The following C16orf74 variants were observed in gnomAD, a reference collection of about 807,000 sequenced individuals.
C16orf74 encodes the protein calcimembrin.
C16orf74 carries 10 observed loss-of-function variants against 6.5 expected under a neutral mutation model. The observed-to-expected ratio is 1.54, with a 90% CI of 0.95 to 2.61. C16orf74 has a LOEUF of 2.61. Ranked by LOEUF, C16orf74 falls within the 30% of genes most tolerant of loss-of-function variation. The probability of loss-of-function intolerance (pLI) is 0.00; values close to 1 mark genes in which losing one functional copy is unlikely to be tolerated. For synonymous variants in C16orf74, 60 were observed against 42.5 expected (o/e 1.41, Z -1.60); for missense variants, 141 against 105.9 (o/e 1.33, Z -1.45).
At chr16:85,739,379 C>G (rs954988056) in intron 1 of C16orf74, among the ~76,000 whole-genome samples, 5 of 152,186 alleles carry the variant, frequency 3.3e-5, no homozygotes, top group Non-Finnish European at 1.5e-5. Context: ...TGGATTTTGA[C>G]ATGTCTCAAC....
chr16:85,717,461 TCA>T (rs1447922740), intron 2 of C16orf74, among the ~76,000 whole-genome samples: 1 of 152,194 alleles, frequency 6.6e-6, no homozygotes, highest in Non-Finnish European at 1.5e-5. Context: ...TCTTGCAGCC[TCA>T]GTTTCCCTGG....
At chr16:85,722,271 T>C (rs973957470) in intron 2 of C16orf74, among the ~76,000 whole-genome samples, 1 of 152,172 alleles carries the variant, frequency 6.6e-6, no homozygotes. Context: ...AGTCAGGCCA[T>C]ATAATTAGCA....
chr16:85,740,436 C>T (rs1450436736), intron 1 of C16orf74, among the ~76,000 whole-genome samples: 1 of 151,502 alleles, frequency 6.6e-6, no homozygotes, highest in Non-Finnish European at 1.5e-5. Flanking sequence ...GGCGCGGTGG[C>T]TCACGCCTGT....
chr16:85,714,502 C>G (rs2054002129), intron 2 of C16orf74, among the ~76,000 whole-genome samples: 1 of 152,002 alleles, frequency 6.6e-6, no homozygotes, highest in Admixed American at 6.6e-5. Flanking sequence ...TCACTGCAAC[C>G]TCTGCCTCCT....
At chr16:85,725,806 G>A (rs1026870949) in intron 2 of C16orf74, among the ~76,000 whole-genome samples, 4 of 152,046 alleles carry the variant, frequency 2.6e-5, no homozygotes, top group South Asian at 2.1e-4. Context: ...GTTTCACCAC[G>A]TTGCCCAGAC....
At chr16:85,708,320 G>A (rs11860689) in intron 3 of C16orf74, among the ~76,000 whole-genome samples, 1 of 152,132 alleles carries the variant, frequency 6.6e-6, no homozygotes, top group African/African-American at 2.4e-5. Flanking sequence ...GAGTAACCCT[G>A]TGTCTCCCCT....
At chr16:85,718,158 T>C (rs2054043972) in intron 2 of C16orf74, among the ~76,000 whole-genome samples, 1 of 152,222 alleles carries the variant, frequency 6.6e-6, no homozygotes, top group Admixed American at 6.5e-5. Context: ...CAGCCTGGAC[T>C]TCCCTGGCTC....
chr16:85,708,361 G>C (rs978878315), intron 3 of C16orf74, among the ~76,000 whole-genome samples: 5 of 152,186 alleles, frequency 3.3e-5, no homozygotes, highest in African/African-American at 1.2e-4. Flanking sequence ...AGCAGGGAAG[G>C]TGGTATGATC....
At position 85,740,968 on chromosome 16, in the gene C16orf74, C is replaced by T. The variant is rs543340484; in HGVS notation, c.-18-5733G>A. 3.3e-5 allele frequency among the ~76,000 whole-genome samples: 5 copies of T among 152,122 alleles called. No homozygotes were observed. The South Asian group carries it at 1.0e-3, about 32-fold the overall frequency. On this transcript the variant is annotated intron_variant, in intron 1 of 3. Coordinates refer to ENST00000284245, the MANE Select transcript of C16orf74 (RefSeq NM_206967.3). Reference sequence around the variant, plus strand: ...ATACGTGCAGGGAGAGATGAGGACACGCGTGTAGGTAAATGTTCATTTCTG... The same window carrying T: ...ATACGTGCAGGGAGAGATGAGGACATGCGTGTAGGTAAATGTTCATTTCTG...
At chr16:85,733,757 G>C (rs1218899230) in intron 2 of C16orf74, among the ~76,000 whole-genome samples, 3 of 152,134 alleles carry the variant, frequency 2.0e-5, no homozygotes, top group African/African-American at 7.2e-5. Flanking sequence ...TGTGGGGTCA[G>C]CCTGGAGTCT....
At chr16:85,718,674 G>A (rs989440216) in intron 2 of C16orf74, among the ~76,000 whole-genome samples, 11 of 152,220 alleles carry the variant, frequency 7.2e-5, no homozygotes, top group Admixed American at 6.5e-4. Context: ...AATGCGGTGC[G>A]ATGATTCTAT....
Position 85,728,135 on chromosome 16 carries a change from T to C in C16orf74, c.28+7055A>G, listed in dbSNP as rs148801564. On this transcript the variant is annotated intron_variant, in intron 2 of 3. Transcript: ENST00000284245. ...CCTGAGCAACAGAGGGAGAGTGAGA[T>C]CCTGTCTCAAAAATATAAATAAATA... is the stretch of plus-strand genomic sequence containing the variant. Among the ~76,000 whole-genome samples, 1,332 of 151,920 alleles carry C rather than the reference T, an allele frequency of 8.8e-3. 19 individuals are homozygous for C. The highest frequency in any genetic ancestry group is 0.03 in the African/African-American group (1,259 of 41,388).
At chr16:85,710,022 G>A in intron 3 of C16orf74, 142 bp downstream of exon 3, 1 of 660,546 alleles carries the variant, frequency 1.5e-6, no homozygotes, top group Non-Finnish European at 2.3e-6. Flanking sequence ...AGTGTACACA[G>A]GTCTGACCAT....
chr16:85,714,737 C>T (rs1287724097), intron 2 of C16orf74, among the ~76,000 whole-genome samples: 1 of 151,800 alleles, frequency 6.6e-6, no homozygotes, highest in Non-Finnish European at 1.5e-5. Context: ...TCTTGGCCCC[C>T]GACTGCTGGG....
At chr16:85,745,359 C>A (rs1457754922) in intron 1 of C16orf74, among the ~76,000 whole-genome samples, 1 of 152,198 alleles carries the variant, frequency 6.6e-6, no homozygotes, top group Non-Finnish European at 1.5e-5. Flanking sequence ...GGTCCCACTT[C>A]CATGTTGGCT....
chr16:85,733,752 G>A (rs1490336752), intron 2 of C16orf74, among the ~76,000 whole-genome samples: 1 of 152,088 alleles, frequency 6.6e-6, no homozygotes, highest in East Asian at 1.9e-4. Flanking sequence ...TCCTCTGTGG[G>A]GTCAGCCTGG....
intron 1 of C16orf74, among the ~76,000 whole-genome samples, chr16:85,744,790 A>G (rs906232959): frequency 1.4e-5 from 2 of 138,744 alleles, no homozygotes; most frequent in African/African-American, 5.5e-5. Context: ...AGATCGTGCC[A>G]CTGCACTCCA....
At chr16:85,748,836 C>A (rs2054402584) in intron 1 of C16orf74, among the ~76,000 whole-genome samples, 1 of 151,850 alleles carries the variant, frequency 6.6e-6, no homozygotes, top group Non-Finnish European at 1.5e-5. Context: ...GACCCCACTT[C>A]TCATCATGGC....
chr16:85,714,880 G>T (rs1041405067), intron 2 of C16orf74, among the ~76,000 whole-genome samples: 5 of 151,742 alleles, frequency 3.3e-5, no homozygotes, highest in Admixed American at 1.3e-4. Flanking sequence ...ATTTCAGCCG[G>T]GTGCGGTGGC....
Sources: allele counts gnomAD v4.1 joint callset (sites outside exome capture counted in the v4.1 genomes callset), GRCh38; gene constraint gnomAD v4.1.1; transcripts MANE v1.5; gene names NCBI Gene and HGNC (gene_info 2026-07-23, HGNC 2026-07-21).